Variants in RALYL observed in about 807,000 individuals in gnomAD.
The protein encoded by RALYL is RALY RNA binding protein like.
In RALYL, 29 loss-of-function variants were observed where a neutral mutation model predicts 35.1. The ratio of observed to expected loss-of-function variants is 0.83; its 90% CI spans 0.61 to 1.13. RALYL has a LOEUF of 1.13. Among genes scored for constraint, RALYL ranks in the 50% most tolerant of loss-of-function variants. The probability of loss-of-function intolerance (pLI) is 0.00; values close to 1 mark genes in which losing one functional copy is unlikely to be tolerated. For missense variants in RALYL, 359 were observed against 360.4 expected, an observed-to-expected ratio of 1.00 and a Z score of 0.03; for synonymous variants, 120 against 127.6, an observed-to-expected ratio of 0.94 and a Z score of 0.40.
Position 84,248,998 on chromosome 8 carries a change from G to A in RALYL, c.-24+64574G>A, listed in dbSNP as rs1829672427. 1.3e-5 allele frequency among the ~76,000 whole-genome samples: 2 copies of A among 151,896 alleles called. 1 individual carries two copies. The highest frequency in any genetic ancestry group is 4.1e-4 in the South Asian group (2 of 4,830). ...GTCATGGTTCTCTTTTTATATATTTGTTTATTTTGTAGTCATGGAACGAGC... is the reference window on the plus strand; with the variant it reads ...GTCATGGTTCTCTTTTTATATATTTATTTATTTTGTAGTCATGGAACGAGC... On this transcript the variant is annotated intron_variant, in intron 1 of 8. Transcript: ENST00000521268.
chr8:84,293,260 G>A (rs1839112688), intron 1 of RALYL, among the ~76,000 whole-genome samples: 2 of 152,222 alleles, frequency 1.3e-5, no homozygotes, highest in South Asian at 4.2e-4. Flanking sequence ...AACTCCAATT[G>A]TTAGTCCTAT....
Position 84,732,683 on chromosome 8 carries a change from T to TATATATATATATATATATATATATACAC in RALYL, c.257-41895_257-41894insTATATATATATATATATATATATACACA. 7.9e-4 allele frequency among the ~76,000 whole-genome samples: 105 copies of TATATATATATATATATATATATATACAC among 133,188 alleles called. 1 individual carries two copies. Among genetic ancestry groups the TATATATATATATATATATATATATACAC allele is most frequent in the Middle Eastern group, 3.6e-3 (1 of 276 alleles). 87.4% of individuals were successfully genotyped at this position (133,188 alleles called of 152,430 possible). ...TATTAAATAATTATATATATATATA[T>TATATATATATATATATATATATATACAC]ACACACACACACACATATATATAAT... On this transcript the variant is annotated intron_variant, in intron 2 of 8. Coordinates refer to ENST00000521268, the MANE Select transcript of RALYL (RefSeq NM_173848.7).
intron 1 of RALYL, among the ~76,000 whole-genome samples, chr8:84,495,414 T>G (rs1196767713): frequency 1.3e-5 from 2 of 152,142 alleles, no homozygotes; most frequent in Non-Finnish European, 2.9e-5. Flanking sequence ...TGTGATGATT[T>G]ATTAAAAGCC....
intron 1 of RALYL, among the ~76,000 whole-genome samples, chr8:84,288,082 G>A (rs1838011265): frequency 6.6e-6 from 1 of 152,168 alleles, no homozygotes; most frequent in Non-Finnish European, 1.5e-5. Context: ...TGGAAGTCAG[G>A]CCAGTGTGGA....
intron 2 of RALYL, among the ~76,000 whole-genome samples, chr8:84,537,159 TAAA>T (rs11284312): frequency 0.028 from 3,836 of 139,086 alleles, 103 homozygotes; most frequent in Admixed American, 0.064. Context: ...ATATATATAT[TAAA>T]AAAAAAAAAA....
intron 2 of RALYL, among the ~76,000 whole-genome samples, chr8:84,732,448 T>C (rs543909412): frequency 1.5e-3 from 221 of 151,966 alleles, no homozygotes; most frequent in Non-Finnish European, 2.6e-3. Flanking sequence ...TCATCTAAAG[T>C]TTTTGACATA....
At chr8:84,609,689 T>C (rs1162681482) in intron 2 of RALYL, among the ~76,000 whole-genome samples, 1 of 152,196 alleles carries the variant, frequency 6.6e-6, no homozygotes, top group African/African-American at 2.4e-5. Context: ...GCATACAGTT[T>C]CTTCTATTAT....
At chr8:84,885,072 G>A (rs975562887) in intron 7 of RALYL, among the ~76,000 whole-genome samples, 5 of 151,956 alleles carry the variant, frequency 3.3e-5, no homozygotes, top group East Asian at 3.9e-4. Context: ...TCCAATGCTC[G>A]AGCTAGTCAA....
At chr8:84,307,329 C>T (rs73296744) in intron 1 of RALYL, among the ~76,000 whole-genome samples, 7,204 of 152,106 alleles carry the variant, frequency 0.047, 264 homozygotes, top group African/African-American at 0.083. Context: ...TGCTGTAACA[C>T]CTCAGAAAAC....
intron 1 of RALYL, among the ~76,000 whole-genome samples, chr8:84,253,853 A>T (rs1287899469): frequency 6.6e-6 from 1 of 152,110 alleles, no homozygotes. Flanking sequence ...TCATTGCTTC[A>T]TCCTTGCCTA....
intron 1 of RALYL, among the ~76,000 whole-genome samples, chr8:84,464,437 C>T (rs1289150616): frequency 6.6e-6 from 1 of 150,940 alleles, no homozygotes; most frequent in African/African-American, 2.4e-5. Flanking sequence ...TGATGATTTC[C>T]AATTTCATCC....
chr8:84,818,242 C>T (rs917374627), intron 4 of RALYL, among the ~76,000 whole-genome samples: 1 of 152,080 alleles, frequency 6.6e-6, no homozygotes, highest in African/African-American at 2.4e-5. Flanking sequence ...ATAATAGGAA[C>T]ATGAAAGAGG....
chr8:84,198,713 G>T (rs1365595933), intron 1 of RALYL, among the ~76,000 whole-genome samples: 4 of 152,024 alleles, frequency 2.6e-5, no homozygotes, highest in Non-Finnish European at 5.9e-5. Flanking sequence ...GTTTGGGGAC[G>T]TTTGGATCCC....
At chr8:84,859,500 C>A (rs1837697650) in intron 5 of RALYL, among the ~76,000 whole-genome samples, 1 of 151,954 alleles carries the variant, frequency 6.6e-6, no homozygotes, top group African/African-American at 2.4e-5. Context: ...CTGATGCTGC[C>A]CAACGTCCCA....
intron 1 of RALYL, among the ~76,000 whole-genome samples, chr8:84,289,606 G>A (rs539562119): frequency 2.6e-5 from 4 of 152,190 alleles, no homozygotes; most frequent in African/African-American, 7.2e-5. Context: ...GTGCCAACAT[G>A]AGATTGTTAA....
At chr8:84,862,205 T>G (rs77074353) in intron 5 of RALYL, 91 bp from the exon 6 acceptor site, 1 of 1,102,982 alleles carries the variant, frequency 9.1e-7, no homozygotes, top group South Asian at 2.4e-5. Context: ...TATTGAAATT[T>G]TCTACCAGGA....
At chr8:84,695,396 A>G (rs892852401) in intron 2 of RALYL, among the ~76,000 whole-genome samples, 8 of 151,782 alleles carry the variant, frequency 5.3e-5, no homozygotes, top group Admixed American at 3.3e-4. Flanking sequence ...ATATTTATTG[A>G]CATATTACAG....
chr8:84,197,927 TTAA>T (rs764555416), intron 1 of RALYL, among the ~76,000 whole-genome samples: 2 of 152,232 alleles, frequency 1.3e-5, no homozygotes, highest in South Asian at 2.1e-4. Flanking sequence ...ACAGTTTATC[TTAA>T]TGATGATTTC....
chr8:84,771,171 C>CT (rs375492529), intron 2 of RALYL, among the ~76,000 whole-genome samples: 1 of 152,056 alleles, frequency 6.6e-6, no homozygotes, highest in African/African-American at 2.4e-5. Flanking sequence ...TGTTAGGTTT[C>CT]TGAGGTTATC....
Sources: allele counts gnomAD v4.1 joint callset (sites outside exome capture counted in the v4.1 genomes callset), GRCh38; gene constraint gnomAD v4.1.1; transcripts MANE v1.5; gene names NCBI Gene and HGNC (gene_info 2026-07-23, HGNC 2026-07-21).